Variants in STPG2 observed in about 807,000 individuals in gnomAD.
The protein encoded by STPG2 is sperm tail PG-rich repeat containing 2.
STPG2 carries 56 observed loss-of-function variants against 54.2 expected under a neutral mutation model. The ratio of observed to expected loss-of-function variants is 1.03; its 90% CI spans 0.83 to 1.29. STPG2 has a LOEUF of 1.29. Among genes scored for constraint, STPG2 ranks in the 50% most tolerant of loss-of-function variants. STPG2 has a pLI of 0.00. For synonymous variants in STPG2, 200 were observed against 181.8 expected, an observed-to-expected ratio of 1.10 and a Z score of -0.81; for missense variants, 596 against 544.9, an observed-to-expected ratio of 1.09 and a Z score of -0.93.
At chr4:97,934,896 C>T (rs1251700213) in intron 8 of STPG2, among the ~76,000 whole-genome samples, 1 of 152,052 alleles carries the variant, frequency 6.6e-6, no homozygotes. Flanking sequence ...GAAGCCCCAC[C>T]TTTTCAGTTG....
At chr4:97,845,785 AT>A (rs1728931607) in intron 8 of STPG2, among the ~76,000 whole-genome samples, 1 of 152,176 alleles carries the variant, frequency 6.6e-6, no homozygotes, top group Non-Finnish European at 1.5e-5. Flanking sequence ...TAATAGGAGG[AT>A]TTTTATGCTA....
chr4:98,069,281 T>C (rs911762991), intron 5 of STPG2, among the ~76,000 whole-genome samples: 1 of 151,912 alleles, frequency 6.6e-6, no homozygotes, highest in Non-Finnish European at 1.5e-5. Flanking sequence ...ATAATTGTTT[T>C]TAAGTTTTTT....
chr4:97,817,074 T>C (rs1294841554), intron 9 of STPG2, among the ~76,000 whole-genome samples: 2 of 149,628 alleles, frequency 1.3e-5, no homozygotes. Flanking sequence ...GAATAGAAGT[T>C]AAAAGAACAG....
intron 10 of STPG2, among the ~76,000 whole-genome samples, chr4:97,581,732 T>A (rs146334375): frequency 3.1e-3 from 479 of 152,190 alleles, no homozygotes; most frequent in African/African-American, 0.011. Flanking sequence ...TGAAACCAGA[T>A]CCTTGAAATT....
intron 8 of STPG2, among the ~76,000 whole-genome samples, chr4:97,926,183 A>G (rs1443446290): frequency 6.6e-6 from 1 of 152,142 alleles, no homozygotes; most frequent in Non-Finnish European, 1.5e-5. Flanking sequence ...ACCTTTCCAG[A>G]CTTTCAGATA....
intron 8 of STPG2, among the ~76,000 whole-genome samples, chr4:97,889,899 T>C (rs1164518441): frequency 2.0e-5 from 3 of 152,128 alleles, no homozygotes. Context: ...GTTTTGTTGT[T>C]TTATTCTTAA....
At chr4:97,938,006 CCA>C (rs1220272817) in intron 8 of STPG2, among the ~76,000 whole-genome samples, 2 of 152,162 alleles carry the variant, frequency 1.3e-5, no homozygotes, top group Non-Finnish European at 2.9e-5. Context: ...GTCTGCAGGT[CCA>C]CAGAGACCAT....
chr4:97,776,469 T>C (rs1171804821), intron 9 of STPG2, among the ~76,000 whole-genome samples: 1 of 152,178 alleles, frequency 6.6e-6, no homozygotes, highest in South Asian at 2.1e-4. Context: ...TCCACTCCCA[T>C]TACTTTAATT....
chr4:98,113,013 G>GA lies in STPG2; in HGVS notation c.388-3709dup, dbSNP rs3047514. 5.5e-3 allele frequency among the ~76,000 whole-genome samples: 675 copies of GA among 121,916 alleles called. 7 individuals carry two copies. The highest frequency in any genetic ancestry group is 0.013 in the African/African-American group (459 of 34,300). The allele number at this position is 121,916 out of a possible 152,430, so 80.0% of individuals were successfully genotyped here. On this transcript the variant is annotated intron_variant, in intron 3 of 10. Transcript: ENST00000295268. ...ATCCTTTTGAGTGTGAAGAAACTAT[G>GA]AAAAAAAAAAAAAACTAAAACAACT...
intron 7 of STPG2, among the ~76,000 whole-genome samples, chr4:97,950,421 A>C (rs1354056163): frequency 6.6e-6 from 1 of 151,998 alleles, no homozygotes; most frequent in Admixed American, 6.6e-5. Flanking sequence ...TAATTCCCTA[A>C]ATGTGTCTTT....
chr4:97,470,511 C>T (rs1729897528), intron 4 of STPG2, among the ~76,000 whole-genome samples: 1 of 151,892 alleles, frequency 6.6e-6, no homozygotes, highest in African/African-American at 2.4e-5. Context: ...GTTTCAAGAC[C>T]CCTAGTGGAT....
intron 9 of STPG2, among the ~76,000 whole-genome samples, chr4:97,819,972 T>C (rs1728032463): frequency 6.6e-6 from 1 of 152,148 alleles, no homozygotes; most frequent in Non-Finnish European, 1.5e-5. Context: ...TTTTTGTTTT[T>C]TGTTTTTTTT....
intron 5 of STPG2, among the ~76,000 whole-genome samples, chr4:98,017,194 G>T (rs1297162541): frequency 6.6e-6 from 1 of 152,218 alleles, no homozygotes; most frequent in Non-Finnish European, 1.5e-5. Flanking sequence ...CTAGAGCGTG[G>T]ATCTGCAAGT....
chr4:97,994,527 C>G (rs893617474), intron 5 of STPG2, among the ~76,000 whole-genome samples: 1 of 152,102 alleles, frequency 6.6e-6, no homozygotes, highest in Non-Finnish European at 1.5e-5. Context: ...CCCCTATCCC[C>G]TAGGGATGTG....
intron 10 of STPG2, among the ~76,000 whole-genome samples, chr4:97,696,175 C>G (rs1723566483): frequency 6.6e-6 from 1 of 152,112 alleles, no homozygotes; most frequent in African/African-American, 2.4e-5. Flanking sequence ...GGCACATAGA[C>G]AAATGAAACA....
intron 9 of STPG2, among the ~76,000 whole-genome samples, chr4:97,823,959 C>T (rs1259134952): frequency 6.6e-6 from 1 of 151,996 alleles, no homozygotes; most frequent in Non-Finnish European, 1.5e-5. Context: ...GATGAGAGGC[C>T]CCATTCAGTA....
intron 10 of STPG2, among the ~76,000 whole-genome samples, chr4:97,700,548 G>A (rs918983284): frequency 4.6e-5 from 7 of 152,198 alleles, no homozygotes; most frequent in Non-Finnish European, 8.8e-5. Context: ...CTGAATTTTA[G>A]TCAGATTTAT....
intron 10 of STPG2, among the ~76,000 whole-genome samples, chr4:97,641,746 A>G (rs1447897836): frequency 6.6e-6 from 1 of 151,522 alleles, no homozygotes; most frequent in Non-Finnish European, 1.5e-5. Context: ...TAAAAAAGGA[A>G]ATTCATTGAT....
intron 10 of STPG2, among the ~76,000 whole-genome samples, chr4:97,701,270 C>A (rs779210435): frequency 6.6e-6 from 1 of 152,100 alleles, no homozygotes; most frequent in African/African-American, 2.4e-5. Flanking sequence ...AAAATGACCA[C>A]AAGATGAGTC....
Sources: allele counts gnomAD v4.1 joint callset (sites outside exome capture counted in the v4.1 genomes callset), GRCh38; gene constraint gnomAD v4.1.1; transcripts MANE v1.5; gene names NCBI Gene and HGNC (gene_info 2026-07-23, HGNC 2026-07-21).